MAP3K14: variants seen among roughly 807,000 people sequenced by gnomAD.
MAP3K14 encodes the protein mitogen-activated protein kinase kinase kinase 14.
MAP3K14 carries 16 observed loss-of-function variants against 99.2 expected under a neutral mutation model. That is an observed-to-expected ratio of 0.16 (90% CI 0.11 to 0.24). MAP3K14 has a LOEUF of 0.24. Among genes scored for constraint, MAP3K14 ranks in the 10% least tolerant of loss-of-function variants. The pLI is 1.00. For synonymous variants in MAP3K14, 462 were observed against 492.4 expected (o/e 0.94, Z 0.82); for missense variants, 784 against 1,208.7 (o/e 0.65, Z 5.21).
Position 45,267,515 on chromosome 17 carries a change from C to A in MAP3K14, c.2217G>T (p.Met739Ile). The change falls in exon 12 of 16, where the codon ATG becomes ATT. Residue 739 changes from methionine to isoleucine, a missense_variant. Around this residue, in one of 5 missense-constraint regions of MAP3K14, gnomAD observed 128 missense variants for 143.3 expected, o/e 0.89. Coordinates refer to ENST00000344686, the MANE Select transcript of MAP3K14 (RefSeq NM_003954.5). The surrounding 1 kb of genome is among the most constrained non-coding windows in gnomAD (Gnocchi z 5.1). ...PLTLSKEESG[M>I]WEPLPLSSLE... Reference sequence around the variant, plus strand: ...GGGAGGACAGAGGTAAGGGTTCCCACATCCCAGACTCCTCCTTGCTCAAAG... The same window carrying A: ...GGGAGGACAGAGGTAAGGGTTCCCAAATCCCAGACTCCTCCTTGCTCAAAG... The A allele has an allele frequency of 6.2e-7, 1 of 1,613,220 alleles. No homozygotes were observed. The highest frequency in any genetic ancestry group is 8.5e-7 in the Non-Finnish European group (1 of 1,179,506).
At chr17:45,271,311 T>C in intron 9 of MAP3K14, 90 bp from the exon 10 acceptor site, 1 of 1,159,650 alleles carries the variant, frequency 8.6e-7, no homozygotes, top group Non-Finnish European at 1.2e-6. Context: ...TCGGGGTATC[T>C]TACATTTGTC....
In MAP3K14 at chr17:45,274,320, A is replaced by C. The variant is rs148378633; in HGVS notation, c.1421-66T>G. ...AGCCTCCATGCCAGCCAAGGGCAAG[A>C]GCACAGGGCAGGCAGTGGAAAGCAG... On this transcript the variant is annotated intron_variant, in intron 7 of 15. Coordinates refer to ENST00000344686, the MANE Select transcript of MAP3K14 (RefSeq NM_003954.5). The C allele has an allele frequency of 5.7e-4, 902 of 1,575,040 alleles. 1 individual carries two copies. Among genetic ancestry groups the C allele is most frequent in the Admixed American group, 1.8e-3 (96 of 54,412 alleles).
chr17:45,291,101 G>C (rs776310489), intron 1 of MAP3K14: 56 of 223,998 alleles, frequency 2.5e-4, no homozygotes, highest in Non-Finnish European at 4.8e-4. Flanking sequence ...ATGATGGCTC[G>C]ATCTTTTTCT....
At chr17:45,303,854 T>C (rs951363932) in intron 1 of MAP3K14, among the ~76,000 whole-genome samples, 6 of 151,924 alleles carry the variant, frequency 3.9e-5, no homozygotes, top group Middle Eastern at 3.4e-3. Flanking sequence ...AGTGCTGGGA[T>C]TACAGGCGTG....
chr17:45,273,425 A>AT lies in MAP3K14; in HGVS notation c.1657+77dup, dbSNP rs1320617883. 17 of 1,135,482 alleles carry AT rather than the reference A, an allele frequency of 1.5e-5. No homozygotes were observed. In the East Asian group the frequency reaches 3.9e-4, roughly 26 times the overall value. 70.3% of individuals were successfully genotyped at this position (1,135,482 alleles called of 1,614,324 possible). A position where few individuals can be genotyped will look rare whatever the true frequency, so the allele number is the denominator to read the frequency against. Reference sequence around the variant, plus strand: ...GGTGGACCTAAGTGTTCACACCTCAATTCCCATTCTGGAAAGCATGGAAGG... The same window carrying AT: ...GGTGGACCTAAGTGTTCACACCTCAATTTCCCATTCTGGAAAGCATGGAAGG... On this transcript the variant is annotated intron_variant, in intron 9 of 15. Transcript: ENST00000344686.
rs1205003546 is a variant in MAP3K14, at chr17:45,281,343, C to CTT, written c.1290+3467_1290+3468dup. Among the ~76,000 whole-genome samples the CTT allele has an allele frequency of 8.7e-5, 12 of 137,230 alleles. 1 individual carries two copies. The highest frequency in any genetic ancestry group is 2.2e-4 in the Admixed American group (3 of 13,678). 90.0% of individuals were successfully genotyped at this position (137,230 alleles called of 152,430 possible). A position where few individuals can be genotyped will look rare whatever the true frequency, so the allele number is the denominator to read the frequency against. On this transcript the variant is annotated intron_variant, in intron 6 of 15. Coordinates refer to ENST00000344686, the MANE Select transcript of MAP3K14 (RefSeq NM_003954.5). Reference sequence around the variant, plus strand: ...ATAAGTGCCGCACCGCCTGATCTTTCTTTTTTTTTTTTTTTTTGAGGCAGA... The same window carrying CTT: ...ATAAGTGCCGCACCGCCTGATCTTTCTTTTTTTTTTTTTTTTTTTGAGGCAGA...
Position 45,274,572 on chromosome 17 carries a change from C to T in MAP3K14, c.1312G>A (p.Ala438Thr). The change falls in exon 7 of 16, where the codon GCA (alanine) becomes ACA (threonine). Residue 438 changes from alanine (A) to threonine (T), a missense_variant. By Grantham distance (58) the Ala-to-Thr change is moderately conservative. Coordinates refer to ENST00000344686, the MANE Select transcript of MAP3K14 (RefSeq NM_003954.5). Reference protein sequence around the residue: ...VKKVRLEVFRAEELMACAGLT... With the variant: ...VKKVRLEVFRTEELMACAGLT... ...CCTGCACATGCCATCAGCTCCTCTG[C>T]CCGAAATACTTCCAGCCGCACCTGC... The T allele has an allele frequency of 3.1e-6, 5 of 1,613,828 alleles. No homozygotes were observed. The highest frequency in any genetic ancestry group is 4.2e-6 in the Non-Finnish European group (5 of 1,179,878).
chr17:45,294,431 A>C (rs1196206550), intron 1 of MAP3K14, among the ~76,000 whole-genome samples: 1 of 152,220 alleles, frequency 6.6e-6, no homozygotes, highest in Non-Finnish European at 1.5e-5. Context: ...TCTAGGTTCA[A>C]GGATGGATTC....
At chr17:45,300,180 A>G (rs1255616563) in intron 1 of MAP3K14, among the ~76,000 whole-genome samples, 3 of 149,978 alleles carry the variant, frequency 2.0e-5, no homozygotes, top group Admixed American at 6.8e-5. Context: ...CTGTCCTGCA[A>G]TTACCACCAC....
chr17:45,309,391 T>C (rs1471777939), intron 1 of MAP3K14, among the ~76,000 whole-genome samples: 1 of 152,222 alleles, frequency 6.6e-6, no homozygotes, highest in Non-Finnish European at 1.5e-5. Flanking sequence ...CCTATAGTCA[T>C]GGCTCCTGAC....
chr17:45,270,697 C>T, intron 10 of MAP3K14, 134 bp from the exon 11 acceptor site: 2 of 1,279,818 alleles, frequency 1.6e-6, no homozygotes, highest in South Asian at 3.1e-5. Flanking sequence ...ATGGAGGGGT[C>T]TGGGCTACAG....
rs368735522 is a variant in MAP3K14 at position 45,291,871 on chromosome 17, A to G, written c.-20-1106T>C. 2.0e-5 allele frequency among the ~76,000 whole-genome samples: 3 copies of G among 152,216 alleles called. No individual in the cohort carries two copies. The East Asian group carries it at 5.8e-4, about 29-fold the overall frequency. ...ACCAGCAGAAATCATCTTCCTTGCT[A>G]TAACTCTGTGAACCCTGGATCACTT... On this transcript the variant is annotated intron_variant, in intron 1 of 15. Coordinates refer to ENST00000344686, the MANE Select transcript of MAP3K14 (RefSeq NM_003954.5).
intron 1 of MAP3K14, among the ~76,000 whole-genome samples, chr17:45,305,472 T>G (rs549343311): frequency 6.9e-6 from 1 of 145,926 alleles, no homozygotes; most frequent in Non-Finnish European, 1.5e-5. Flanking sequence ...CTTGGCTCAC[T>G]GCAACCTCCA....
At chr17:45,280,531 C>T (rs2044213965) in intron 6 of MAP3K14, among the ~76,000 whole-genome samples, 1 of 151,968 alleles carries the variant, frequency 6.6e-6, no homozygotes, top group Admixed American at 6.6e-5. Flanking sequence ...TCTCGAACTC[C>T]CGACCTCAGG....
rs190069134 is a variant in MAP3K14, at chr17:45,284,139, C to T, written c.1290+673G>A. ...GGGTGGGAGGGGTGATTCCTGTCTT[C>T]TGTCTCTACTCAAAACTCTAGGACA... On this transcript the variant is annotated intron_variant, in intron 6 of 15. Coordinates refer to ENST00000344686, the MANE Select transcript of MAP3K14 (RefSeq NM_003954.5). Among the ~76,000 whole-genome samples, 3 of 152,346 alleles carry T rather than the reference C, an allele frequency of 2.0e-5. No individual in the cohort carries two copies. The East Asian group carries it at 5.8e-4, about 29-fold the overall frequency.
chr17:45,297,624 A>G (rs1168816808), intron 1 of MAP3K14, among the ~76,000 whole-genome samples: 2 of 152,176 alleles, frequency 1.3e-5, no homozygotes, highest in Non-Finnish European at 2.9e-5. Flanking sequence ...AGAAAAAAGT[A>G]AATAGGAAAA....
Position 45,280,091 on chromosome 17 carries a change from A to T in MAP3K14, c.1290+4721T>A, listed in dbSNP as rs146402574. On this transcript the variant is annotated intron_variant, in intron 6 of 15. Transcript: ENST00000344686. ...TCTGGCACAGAGCAGGTGTTTGGTGACAGCTGGGTTGACTTGGCCAGGGCC... is the reference window on the plus strand; with the variant it reads ...TCTGGCACAGAGCAGGTGTTTGGTGTCAGCTGGGTTGACTTGGCCAGGGCC... Among the ~76,000 whole-genome samples the T allele has an allele frequency of 2.0e-5, 3 of 152,314 alleles. No individual in the cohort carries two copies. In the East Asian group the frequency reaches 5.8e-4, roughly 29 times the overall value.
At chr17:45,300,450 G>A (rs2044378541) in intron 1 of MAP3K14, among the ~76,000 whole-genome samples, 1 of 152,066 alleles carries the variant, frequency 6.6e-6, no homozygotes, top group Non-Finnish European at 1.5e-5. Flanking sequence ...TAATCTTTTT[G>A]GCCATTGTTT....
chr17:45,268,014 A>C (rs1480491789), intron 11 of MAP3K14: 1 of 444,152 alleles, frequency 2.3e-6, no homozygotes, highest in Non-Finnish European at 4.0e-6. Context: ...TCTAGGTATC[A>C]GTAGCAAATT....
Sources: gnomAD v4.1 joint callset for allele counts (sites outside exome capture counted in the v4.1 genomes callset) on GRCh38, gnomAD v4.1.1 for gene constraint, gnomAD v4.1.1 regional missense constraint, Gnocchi (gnomAD v3.1) non-coding constraint, MANE v1.5 for transcripts, NCBI Gene and HGNC (gene_info 2026-07-23, HGNC 2026-07-21) for gene names.